ZNF804B: variants seen among roughly 807,000 people sequenced by gnomAD.
The protein encoded by ZNF804B is zinc finger protein 804B.
In ZNF804B, 80 loss-of-function variants were observed where a neutral mutation model predicts 101.4. The observed-to-expected ratio is 0.79, with a 90% confidence interval of 0.66 to 0.95. ZNF804B has a LOEUF of 0.95. Ranked by LOEUF, ZNF804B falls within the 40% of genes least tolerant of loss-of-function variation. The pLI is 0.00. For missense variants in ZNF804B, 1,673 were observed against 1,561.9 expected, an observed-to-expected ratio of 1.07 and a Z score of -1.20; for synonymous variants, 622 against 558.8, an observed-to-expected ratio of 1.11 and a Z score of -1.59.
intron 1 of ZNF804B, among the ~76,000 whole-genome samples, chr7:88,803,236 AG>A (rs1790634993): frequency 6.6e-6 from 1 of 152,146 alleles, no homozygotes; most frequent in Non-Finnish European, 1.5e-5. Flanking sequence ...TTGTAAGTCT[AG>A]GATAGTCTAG....
intron 1 of ZNF804B, among the ~76,000 whole-genome samples, chr7:88,855,616 G>T (rs1007824869): frequency 5.9e-5 from 9 of 152,028 alleles, no homozygotes; most frequent in African/African-American, 2.2e-4. Context: ...TAATTAGATC[G>T]CATTTGTCAA....
intron 2 of ZNF804B, among the ~76,000 whole-genome samples, chr7:89,222,596 C>T (rs1043674851): frequency 3.3e-5 from 5 of 151,922 alleles, no homozygotes; most frequent in Admixed American, 2.0e-4. Context: ...CCAGAATTTC[C>T]TTACAGTTTC....
intron 2 of ZNF804B, among the ~76,000 whole-genome samples, chr7:89,239,155 A>C (rs1789327488): frequency 6.6e-6 from 1 of 152,124 alleles, no homozygotes; most frequent in African/African-American, 2.4e-5. Context: ...AGTGAGTACA[A>C]AAATTTAGTT....
chr7:88,968,920 T>C, intron 1 of ZNF804B, among the ~76,000 whole-genome samples: 1 of 151,748 alleles, frequency 6.6e-6, no homozygotes, highest in Admixed American at 6.6e-5. Context: ...TGTTTATTGT[T>C]AAATGCATAT....
At chr7:88,772,162 G>A (rs1790080451) in intron 1 of ZNF804B, among the ~76,000 whole-genome samples, 1 of 152,128 alleles carries the variant, frequency 6.6e-6, no homozygotes, top group Non-Finnish European at 1.5e-5. Context: ...CAGTATTCAT[G>A]TGCTACATAC....
chr7:89,210,222 T>C (rs1788781739), intron 1 of ZNF804B, among the ~76,000 whole-genome samples: 1 of 151,814 alleles, frequency 6.6e-6, no homozygotes, highest in South Asian at 2.1e-4. Context: ...ATTAAGTACA[T>C]ATTATGCTCT....
intron 2 of ZNF804B, among the ~76,000 whole-genome samples, chr7:89,299,588 A>G (rs1282308455): frequency 6.6e-6 from 1 of 152,098 alleles, no homozygotes; most frequent in Non-Finnish European, 1.5e-5. Context: ...CACAACAACA[A>G]CAACAAAACT....
intron 1 of ZNF804B, among the ~76,000 whole-genome samples, chr7:89,056,580 T>C (rs2116274594): frequency 6.6e-6 from 1 of 152,224 alleles, no homozygotes; most frequent in African/African-American, 2.4e-5. Flanking sequence ...ATTTTTGATA[T>C]GACACTGAAA....
chr7:88,978,748 G>C (rs755034508), intron 1 of ZNF804B, among the ~76,000 whole-genome samples: 3 of 150,980 alleles, frequency 2.0e-5, no homozygotes, highest in Non-Finnish European at 4.4e-5. Flanking sequence ...TTTGTTGTCT[G>C]TTTTCTGGTT....
At chr7:89,153,212 T>C (rs948859502) in intron 1 of ZNF804B, among the ~76,000 whole-genome samples, 16 of 151,572 alleles carry the variant, frequency 1.1e-4, no homozygotes, top group Non-Finnish European at 1.9e-4. Flanking sequence ...AAAAGAATCA[T>C]GAGGAAAAAT....
chr7:89,158,214 A>G (rs1224079140), intron 1 of ZNF804B, among the ~76,000 whole-genome samples: 3 of 152,140 alleles, frequency 2.0e-5, no homozygotes, highest in African/African-American at 4.8e-5. Flanking sequence ...TCAAACATCT[A>G]CTAAATGTTC....
chr7:89,188,810 T>C (rs975264337), intron 1 of ZNF804B, among the ~76,000 whole-genome samples: 5 of 151,888 alleles, frequency 3.3e-5, no homozygotes, highest in Non-Finnish European at 5.9e-5. Flanking sequence ...CTAGGAGAGG[T>C]GAGGAAGCTG....
At chr7:88,976,242 G>A (rs1793614038) in intron 1 of ZNF804B, among the ~76,000 whole-genome samples, 1 of 151,354 alleles carries the variant, frequency 6.6e-6, no homozygotes, top group African/African-American at 2.4e-5. Context: ...TGTTTTTTAT[G>A]GTCCTATAAC....
At chr7:89,293,776 G>A (rs1790336175) in intron 2 of ZNF804B, among the ~76,000 whole-genome samples, 1 of 150,852 alleles carries the variant, frequency 6.6e-6, no homozygotes, top group Non-Finnish European at 1.5e-5. Context: ...GCGACAGAGT[G>A]AGACTCCGTC....
chr7:89,304,535 G>T lies in ZNF804B; in HGVS notation c.250-22809G>T, dbSNP rs546641113. Among the ~76,000 whole-genome samples the T allele has an allele frequency of 4.7e-4, 72 of 151,858 alleles. No homozygotes were observed. The South Asian group carries it at 4.8e-3, about 10-fold the overall frequency. On this transcript the variant is annotated intron_variant, in intron 2 of 3. Transcript: ENST00000333190. ...TGTGTGGGTATGTGTGTGTATGTGT[G>T]TGTGTGTATGTGTGTGTCTATCTGT... is the stretch of plus-strand genomic sequence containing the variant.
intron 1 of ZNF804B, among the ~76,000 whole-genome samples, chr7:88,991,233 G>A (rs1358014255): frequency 1.3e-5 from 2 of 152,094 alleles, no homozygotes; most frequent in African/African-American, 4.8e-5. Flanking sequence ...TCCTCATGAT[G>A]CTTTTATGTA....
At chr7:89,236,063 A>C (rs748352971) in intron 2 of ZNF804B, among the ~76,000 whole-genome samples, 1 of 152,128 alleles carries the variant, frequency 6.6e-6, no homozygotes, top group African/African-American at 2.4e-5. Context: ...AATGCTTAGT[A>C]GGTGTAATAA....
Position 89,033,060 on chromosome 7 carries a change from C to T in ZNF804B, c.109-185095C>T, listed in dbSNP as rs141734864. On this transcript the variant is annotated intron_variant, in intron 1 of 3. Coordinates refer to ENST00000333190, the MANE Select transcript of ZNF804B (RefSeq NM_181646.5). ...TAAAAGGAAAAAAAAAAACCGTATC[C>T]CTCCTGTCTAATTGAGGCTTTGTAT... Among the ~76,000 whole-genome samples the T allele has an allele frequency of 5.7e-3, 862 of 151,460 alleles. 8 individuals carry two copies. Among genetic ancestry groups the T allele is most frequent in the African/African-American group, 0.019 (774 of 41,378 alleles).
chr7:88,825,534 C>T (rs1458282412), intron 1 of ZNF804B, among the ~76,000 whole-genome samples: 1 of 108,434 alleles, frequency 9.2e-6, no homozygotes, highest in African/African-American at 4.9e-5. Flanking sequence ...CCACAGATAC[C>T]TGTGTCCTCT....
Sources: gnomAD v4.1 joint callset for allele counts (sites outside exome capture counted in the v4.1 genomes callset) on GRCh38, gnomAD v4.1.1 for gene constraint, MANE v1.5 for transcripts, NCBI Gene and HGNC (gene_info 2026-07-23, HGNC 2026-07-21) for gene names.